The following CLCN1 variants were observed in gnomAD, a reference collection of about 807,000 sequenced individuals.
The protein encoded by CLCN1 is chloride voltage-gated channel 1.
A neutral mutation model predicts 114.5 loss-of-function variants in CLCN1; 100 were observed. That is an observed-to-expected ratio of 0.87 (90% confidence interval 0.74 to 1.03). CLCN1 has a LOEUF of 1.03. Ranked by LOEUF, CLCN1 falls within the 50% of genes least tolerant of loss-of-function variation. The pLI is 0.00. For synonymous variants in CLCN1, 485 were observed against 487.1 expected (o/e 1.00, Z 0.06); for missense variants, 1,188 against 1,250.0 (o/e 0.95, Z 0.75).
intron 7 of CLCN1, among the ~76,000 whole-genome samples, chr7:143,326,618 G>A (rs1379713042): frequency 6.6e-6 from 1 of 152,194 alleles, no homozygotes; most frequent in East Asian, 1.9e-4. Flanking sequence ...AAGAGGTGGT[G>A]TTTGACATGA....
chr7:143,324,939 G>A lies in CLCN1; in HGVS notation c.853+447G>A, dbSNP rs968616076. The stretch of plus-strand genomic sequence containing the variant: ...TTTTGTTGTGCTTTATTAATTGCAT[G>A]GGAATTCAGGTAGACCTTATTTAGA... On this transcript the variant is annotated intron_variant, in intron 7 of 22. Coordinates refer to ENST00000343257, the MANE Select transcript of CLCN1 (RefSeq NM_000083.3). The surrounding 1 kb of genome is among the most constrained non-coding windows in gnomAD (Gnocchi z 4.6). 2.0e-5 allele frequency among the ~76,000 whole-genome samples: 3 copies of A among 152,206 alleles called. No individual in the cohort carries two copies. Among genetic ancestry groups the A allele is most frequent in the African/African-American group, 7.2e-5 (3 of 41,448 alleles).
At chr7:143,317,225 AGAGG>A in intron 1 of CLCN1, among the ~76,000 whole-genome samples, 1 of 150,610 alleles carries the variant, frequency 6.6e-6, no homozygotes, top group Middle Eastern at 3.5e-3. Context: ...GAATTTGTCT[AGAGG>A]GCAGTTGGCC....
intron 7 of CLCN1, 82 bp from the exon 8 acceptor site, chr7:143,330,690 C>T: frequency 4.4e-6 from 7 of 1,589,026 alleles, no homozygotes; most frequent in Non-Finnish European, 6.0e-6. Context: ...TCAGCAAAAG[C>T]TCCTTAGGTC....
At chr7:143,327,206 T>C (rs10238686) in intron 7 of CLCN1, among the ~76,000 whole-genome samples, 136,057 of 151,268 alleles carry the variant, frequency 0.9, 61,338 homozygotes, top group Admixed American at 0.95. Flanking sequence ...AGATCGCGCG[T>C]CACTGCACTC....
intron 16 of CLCN1, among the ~76,000 whole-genome samples, chr7:143,343,378 C>T (rs916736894): frequency 6.6e-6 from 1 of 152,192 alleles, no homozygotes; most frequent in Non-Finnish European, 1.5e-5. Flanking sequence ...ACAAAATGAA[C>T]ACCTGTTTAC....
Position 143,339,362 on chromosome 7 carries a change from G to T in CLCN1, c.1471+40G>T. ...GAAGCCTGGGGTCTGACTGAGAGTT[G>T]CAATCTAGGATACAGGAAACATAAG... is the stretch of plus-strand genomic sequence containing the variant. On this transcript the variant is annotated intron_variant, in intron 13 of 22. Transcript: ENST00000343257. The surrounding 1 kb of genome is among the most constrained non-coding windows in gnomAD (Gnocchi z 4.1). The T allele has an allele frequency of 6.7e-7, 1 of 1,502,162 alleles. No homozygotes were observed. Among genetic ancestry groups the T allele is most frequent in the East Asian group, 2.3e-5 (1 of 44,410 alleles). The allele number at this position is 1,502,162 out of a possible 1,614,324, so 93.1% of individuals were successfully genotyped here.
chr7:143,323,509 T>C (rs1459061094), intron 6 of CLCN1, 123 bp downstream of exon 6: 1 of 765,590 alleles, frequency 1.3e-6, no homozygotes, highest in Non-Finnish European at 2.4e-6. Context: ...AGCATCGCAC[T>C]AATCCACGCT....
At chr7:143,338,754 T>C (rs1459206264) in intron 12 of CLCN1, among the ~76,000 whole-genome samples, 1 of 140,356 alleles carries the variant, frequency 7.1e-6, no homozygotes, top group African/African-American at 2.8e-5. Context: ...GGTACTGCAC[T>C]CCAGCTTGGG....
At chr7:143,327,867 C>T (rs1318903554) in intron 7 of CLCN1, among the ~76,000 whole-genome samples, 2 of 152,124 alleles carry the variant, frequency 1.3e-5, no homozygotes, top group African/African-American at 2.4e-5. Context: ...GTTGGCCAGG[C>T]TGGTCTCAAA....
Position 143,320,729 on chromosome 7 carries a change from C to T in CLCN1, c.367C>T (p.Leu123Phe). The T allele has an allele frequency of 6.2e-7, 1 of 1,613,330 alleles. No homozygotes were observed. The change falls in exon 3 of 23, where the codon CTT becomes TTT. Residue 123 changes from leucine to phenylalanine, a missense_variant. Transcript: ENST00000343257. ...AGGGGAAGACGGGATCTTTCTGGTG[C>T]TTCTGGGACTGCTGATGGCTCTGGT... ...KLGEDGIFLVLLGLLMALVSW... is the reference protein window; with the variant it reads ...KLGEDGIFLVFLGLLMALVSW...
intron 6 of CLCN1, 72 bp downstream of exon 6, chr7:143,323,458 G>A (rs1802498742): frequency 9.3e-7 from 1 of 1,074,940 alleles, no homozygotes; most frequent in Non-Finnish European, 1.5e-6. Context: ...CAGGGTGTTG[G>A]GAGGGCTGCC....
intron 8 of CLCN1, 91 bp downstream of exon 8, chr7:143,330,988 G>A: frequency 6.3e-6 from 10 of 1,577,034 alleles, no homozygotes; most frequent in African/African-American, 1.3e-5. Context: ...GTTCAGAAAA[G>A]GAATAATGGG....
chr7:143,344,192 A>T (rs1246638586), intron 16 of CLCN1, among the ~76,000 whole-genome samples: 1 of 152,106 alleles, frequency 6.6e-6, no homozygotes, highest in Non-Finnish European at 1.5e-5. Context: ...ATAATTTCAC[A>T]TTTCTCTGCC....
At chr7:143,347,776 G>A (rs964142767) in intron 20 of CLCN1, among the ~76,000 whole-genome samples, 2 of 152,036 alleles carry the variant, frequency 1.3e-5, no homozygotes, top group Non-Finnish European at 2.9e-5. Context: ...TAATGACCAC[G>A]GTGCCTCCTG....
chr7:143,345,370 A>G (rs1803200691), intron 16 of CLCN1, 151 bp from the exon 17 acceptor site: 4 of 1,039,108 alleles, frequency 3.8e-6, no homozygotes, highest in Non-Finnish European at 5.4e-6. Context: ...TTAATCTTGG[A>G]GGATTCTTAA....
intron 7 of CLCN1, among the ~76,000 whole-genome samples, chr7:143,329,048 A>G (rs1387517444): frequency 3.3e-5 from 5 of 150,716 alleles, no homozygotes; most frequent in African/African-American, 1.2e-4. Flanking sequence ...GCTCACTGCA[A>G]CCTGCGTCTC....
Position 143,320,794 on chromosome 7 carries a change from G to A in CLCN1, c.432G>A (p.Gln144=), listed in dbSNP as rs921731349. 14 of 1,613,932 alleles carry A rather than the reference G, an allele frequency of 8.7e-6. No homozygotes were observed. Among genetic ancestry groups the A allele is most frequent in the Non-Finnish European group, 1.2e-5 (14 of 1,179,992 alleles). ...ACTACGTCAGTGCCAAAAGCCTTCA[G>A]GGTAGGTTTAACCTGGACCTTTGCC... ...SMDYVSAKSL[Q]AYKWSYAQMQ... Residue 144 remains glutamine, a splice_region_variant and synonymous_variant, in exon 3 of 23, where the codon CAG becomes CAA. Transcript: ENST00000343257.
chr7:143,327,214 C>T (rs1307102650), intron 7 of CLCN1, among the ~76,000 whole-genome samples: 2 of 151,254 alleles, frequency 1.3e-5, no homozygotes, highest in Non-Finnish European at 2.9e-5. Flanking sequence ...CGTCACTGCA[C>T]TCCAGTCCGG....
chr7:143,340,339 A>G (rs1803044153), intron 14 of CLCN1, among the ~76,000 whole-genome samples: 1 of 152,140 alleles, frequency 6.6e-6, no homozygotes, highest in Admixed American at 6.5e-5. Flanking sequence ...CTCCATCTTC[A>G]TGACTCCCTG....
Sources: allele counts gnomAD v4.1 joint callset (sites outside exome capture counted in the v4.1 genomes callset), GRCh38; gene constraint gnomAD v4.1.1; non-coding constraint Gnocchi (gnomAD v3.1); transcripts MANE v1.5; gene names NCBI Gene and HGNC (gene_info 2026-07-23, HGNC 2026-07-21).